Variants in GRXCR1 observed in about 807,000 individuals in gnomAD.
GRXCR1 encodes the protein glutaredoxin and cysteine rich domain containing 1, also known as glutaredoxin domain-containing cysteine-rich protein 1.
A neutral mutation model predicts 27.3 loss-of-function variants in GRXCR1; 27 were observed. That is an observed-to-expected ratio of 0.99 (90% confidence interval 0.73 to 1.37). The LOEUF (loss-of-function observed/expected upper bound fraction) is 1.37. Among genes scored for constraint, GRXCR1 ranks in the 40% most tolerant of loss-of-function variants. GRXCR1 has a pLI of 0.00. For missense variants in GRXCR1, 379 were observed against 354.4 expected, an observed-to-expected ratio of 1.07 and a Z score of -0.56; for synonymous variants, 122 against 131.1, an observed-to-expected ratio of 0.93 and a Z score of 0.47.
chr4:42,962,251 A>G (rs959564126), intron 1 of GRXCR1, among the ~76,000 whole-genome samples: 1 of 151,436 alleles, frequency 6.6e-6, no homozygotes, highest in African/African-American at 2.4e-5. Context: ...TTGACCCACC[A>G]CTCACTTTGG....
At chr4:42,900,735 G>A (rs955083403) in intron 1 of GRXCR1, among the ~76,000 whole-genome samples, 5 of 152,060 alleles carry the variant, frequency 3.3e-5, no homozygotes, top group Non-Finnish European at 4.4e-5. Flanking sequence ...GGAGACTAAC[G>A]AGGGTCATCT....
At chr4:42,955,314 C>T (rs906660230) in intron 1 of GRXCR1, among the ~76,000 whole-genome samples, 9 of 151,996 alleles carry the variant, frequency 5.9e-5, no homozygotes, top group Admixed American at 1.3e-4. Flanking sequence ...TGTAAGTGAC[C>T]GATACATGTG....
At chr4:42,955,693 CA>C (rs1217930742) in intron 1 of GRXCR1, among the ~76,000 whole-genome samples, 7 of 152,206 alleles carry the variant, frequency 4.6e-5, no homozygotes, top group African/African-American at 1.7e-4. Flanking sequence ...CACTGATATT[CA>C]AATGTGTTAT....
chr4:43,000,682 T>C (rs1008980516), intron 2 of GRXCR1, among the ~76,000 whole-genome samples: 4 of 151,748 alleles, frequency 2.6e-5, no homozygotes, highest in African/African-American at 7.3e-5. Flanking sequence ...TATATATATA[T>C]ACAGAGAAAA....
intron 2 of GRXCR1, among the ~76,000 whole-genome samples, chr4:42,978,346 T>C (rs71610039): frequency 0.047 from 7,119 of 152,090 alleles, 212 homozygotes; most frequent in African/African-American, 0.078. Flanking sequence ...CTGTGAAAAA[T>C]ATCATTGGTA....
intron 2 of GRXCR1, among the ~76,000 whole-genome samples, chr4:42,969,949 T>C (rs1748346330): frequency 6.6e-6 from 1 of 152,072 alleles, no homozygotes. Context: ...GTTAGTTACT[T>C]CTAAGATACA....
rs527505740 is a variant in GRXCR1, at chr4:42,982,219, C to A, written c.627+19085C>A. On this transcript the variant is annotated intron_variant, in intron 2 of 3. Coordinates refer to ENST00000399770, the MANE Select transcript of GRXCR1 (RefSeq NM_001080476.3). ...ATCCCTCCCCCCTCCCCCTACCCCA[C>A]AACAGTCCCCAGAGTGTGATATTCC... 4.0e-5 allele frequency among the ~76,000 whole-genome samples: 6 copies of A among 148,946 alleles called. No homozygotes were observed. In the South Asian group the frequency reaches 1.3e-3, roughly 33 times the overall value.
intron 3 of GRXCR1, among the ~76,000 whole-genome samples, chr4:43,024,081 C>G (rs1380882781): frequency 1.3e-5 from 2 of 151,740 alleles, no homozygotes; most frequent in Non-Finnish European, 2.9e-5. Context: ...AATTAAAGAT[C>G]TCAGATGGCA....
rs374256839 is a variant in GRXCR1, at chr4:42,944,622, C to T, written c.385-18270C>T. ...GAATCAGTTATAAATCACCTTGCTA[C>T]AGAGTACCAGAGATAAGATTCAAAA... is the stretch of plus-strand genomic sequence containing the variant. On this transcript the variant is annotated intron_variant, in intron 1 of 3. Coordinates refer to ENST00000399770, the MANE Select transcript of GRXCR1 (RefSeq NM_001080476.3). 4.3e-4 allele frequency among the ~76,000 whole-genome samples: 66 copies of T among 152,196 alleles called. 1 individual carries two copies. The South Asian group carries it at 0.01, about 24-fold the overall frequency.
chr4:42,901,961 G>T (rs1381732972), intron 1 of GRXCR1, among the ~76,000 whole-genome samples: 1 of 152,190 alleles, frequency 6.6e-6, no homozygotes, highest in Non-Finnish European at 1.5e-5. Context: ...TACCTTTCCT[G>T]TGGAAACATT....
chr4:43,002,176 T>A (rs1467748743), intron 2 of GRXCR1, among the ~76,000 whole-genome samples: 410 of 141,352 alleles, frequency 2.9e-3, no homozygotes, highest in South Asian at 6.2e-3. Flanking sequence ...CAAGAGGCTT[T>A]CCTCTTTTAC....
chr4:42,931,197 G>A (rs1382943838), intron 1 of GRXCR1, among the ~76,000 whole-genome samples: 1 of 151,858 alleles, frequency 6.6e-6, no homozygotes, highest in African/African-American at 2.4e-5. Flanking sequence ...AAACTAAAAG[G>A]TTTTCTGTCC....
intron 2 of GRXCR1, among the ~76,000 whole-genome samples, chr4:43,001,366 T>C (rs1712351926): frequency 6.6e-6 from 1 of 152,114 alleles, no homozygotes; most frequent in Admixed American, 6.5e-5. Context: ...GCGTAGGGCT[T>C]GATGGTAGAC....
At chr4:42,949,201 C>A (rs577056587) in intron 1 of GRXCR1, among the ~76,000 whole-genome samples, 1 of 151,190 alleles carries the variant, frequency 6.6e-6, no homozygotes, top group Non-Finnish European at 1.5e-5. Context: ...TAAAAATACA[C>A]ACACACACAA....
At chr4:42,981,600 A>G (rs898099599) in intron 2 of GRXCR1, among the ~76,000 whole-genome samples, 18 of 152,154 alleles carry the variant, frequency 1.2e-4, no homozygotes, top group Admixed American at 2.0e-4. Flanking sequence ...GAACTTTGTC[A>G]TTTCTTGTAA....
intron 1 of GRXCR1, among the ~76,000 whole-genome samples, chr4:42,926,811 G>T (rs573363218): frequency 6.6e-6 from 1 of 151,912 alleles, no homozygotes; most frequent in Admixed American, 6.6e-5. Context: ...AGAAAAATCA[G>T]TTCCCAAATA....
chr4:43,022,399 A>T (rs1397346326), intron 3 of GRXCR1, among the ~76,000 whole-genome samples: 2 of 152,206 alleles, frequency 1.3e-5, no homozygotes, highest in Non-Finnish European at 2.9e-5. Flanking sequence ...GTACCATGGT[A>T]GATAATCTCT....
chr4:43,003,465 G>A (rs1233760907), intron 2 of GRXCR1, among the ~76,000 whole-genome samples: 1 of 152,178 alleles, frequency 6.6e-6, no homozygotes, highest in Admixed American at 6.5e-5. Context: ...CAGAAGACAG[G>A]AAGATTAGGG....
chr4:42,954,284 AT>A (rs1747949615), intron 1 of GRXCR1, among the ~76,000 whole-genome samples: 1 of 152,134 alleles, frequency 6.6e-6, no homozygotes, highest in African/African-American at 2.4e-5. Context: ...TTAACCAGAG[AT>A]TAGAAGAAAG....
Sources: gnomAD v4.1 joint callset for allele counts (sites outside exome capture counted in the v4.1 genomes callset) on GRCh38, gnomAD v4.1.1 for gene constraint, MANE v1.5 for transcripts, NCBI Gene and HGNC (gene_info 2026-07-23, HGNC 2026-07-21) for gene names.